The following CFAP251 variants were observed in gnomAD, a reference collection of about 807,000 sequenced individuals.
CFAP251 encodes cilia- and flagella-associated protein 251.
Under a neutral mutation model 126.7 loss-of-function variants are expected in CFAP251, and 93 were observed. The ratio of observed to expected loss-of-function variants is 0.73; its 90% CI spans 0.62 to 0.87. The LOEUF (loss-of-function observed/expected upper bound fraction) is 0.87. Among genes scored for constraint, CFAP251 ranks in the 40% least tolerant of loss-of-function variants. The pLI, the probability that CFAP251 is intolerant of heterozygous loss-of-function variation, is 0.00. For synonymous variants in CFAP251, 503 were observed against 506.9 expected, an observed-to-expected ratio of 0.99 and a Z score of 0.10; for missense variants, 1,287 against 1,389.2, an observed-to-expected ratio of 0.93 and a Z score of 1.17.
chr12:121,952,426 A>T (rs1046872168), intron 9 of CFAP251, among the ~76,000 whole-genome samples: 2 of 152,014 alleles, frequency 1.3e-5, no homozygotes, highest in Non-Finnish European at 2.9e-5. Flanking sequence ...TATATAAAAA[A>T]AAAAAAAATG....
chr12:121,972,314 G>T (rs943449100), intron 17 of CFAP251, among the ~76,000 whole-genome samples: 2 of 152,210 alleles, frequency 1.3e-5, no homozygotes, highest in Admixed American at 6.5e-5. Flanking sequence ...TAGTGATATG[G>T]ACAATAAGGT....
chr12:121,995,523 G>C (rs79424886), intron 19 of CFAP251, among the ~76,000 whole-genome samples: 1 of 146,826 alleles, frequency 6.8e-6, no homozygotes, highest in East Asian at 2.0e-4. Flanking sequence ...TTTTTTTTTT[G>C]AGACAGGTTC....
At chr12:121,992,294 G>A (rs1379475836) in intron 19 of CFAP251, 9 of 985,300 alleles carry the variant, frequency 9.1e-6, no homozygotes, top group South Asian at 9.4e-5. Flanking sequence ...GAACACTTGC[G>A]AAGTCGGCTC....
At chr12:121,960,278 C>T (rs2135784155) in intron 13 of CFAP251, among the ~76,000 whole-genome samples, 1 of 151,612 alleles carries the variant, frequency 6.6e-6, no homozygotes, top group South Asian at 2.1e-4. Context: ...GGCTGAAGTG[C>T]AACAGATCTT....
intron 10 of CFAP251, among the ~76,000 whole-genome samples, chr12:121,954,650 A>C (rs940279477): frequency 1.9e-4 from 28 of 148,282 alleles, no homozygotes; most frequent in African/African-American, 6.7e-4. Context: ...AAAAAAAAAA[A>C]AAAAAAAAAA....
chr12:121,990,301 A>G (rs1565924228), intron 19 of CFAP251, among the ~76,000 whole-genome samples: 1 of 152,098 alleles, frequency 6.6e-6, no homozygotes, highest in Non-Finnish European at 1.5e-5. Flanking sequence ...CTCTCCAAAC[A>G]GCAGCCCCGG....
intron 10 of CFAP251, among the ~76,000 whole-genome samples, chr12:121,956,321 A>G (rs1313943625): frequency 6.6e-6 from 1 of 152,152 alleles, no homozygotes; most frequent in Non-Finnish European, 1.5e-5. Flanking sequence ...GTCCACCTCC[A>G]TTGCGTATGG....
chr12:121,941,642 TATC>T (rs1348237076), intron 5 of CFAP251, among the ~76,000 whole-genome samples: 1 of 152,176 alleles, frequency 6.6e-6, no homozygotes, highest in African/African-American at 2.4e-5. Flanking sequence ...CCTAGTTTCT[TATC>T]ATATGGTTAT....
chr12:121,985,363 G>A (rs958611185), intron 19 of CFAP251, among the ~76,000 whole-genome samples: 3 of 151,884 alleles, frequency 2.0e-5, no homozygotes, highest in Non-Finnish European at 2.9e-5. Context: ...GCCAAACCCC[G>A]TCTCTACTAA....
chr12:121,975,236 T>C lies in CFAP251; in HGVS notation c.2772-8T>C, dbSNP rs187252250. The C allele has an allele frequency of 3.8e-5, 62 of 1,612,922 alleles. No individual in the cohort carries two copies. In the African/African-American group the frequency reaches 4.1e-4, roughly 11 times the overall value. ...TTTCTAATAGAGACATTTCTGTTGT[T>C]GTTCCAGTGTCCTGGAGGCAGCGGT... On this transcript the variant is annotated splice_region_variant and splice_polypyrimidine_tract_variant and intron_variant, in intron 17 of 21. Coordinates refer to ENST00000288912, the MANE Select transcript of CFAP251 (RefSeq NM_144668.6).
At chr12:121,939,385 A>T (rs1881015879) in intron 5 of CFAP251, among the ~76,000 whole-genome samples, 1 of 152,140 alleles carries the variant, frequency 6.6e-6, no homozygotes, top group African/African-American at 2.4e-5. Flanking sequence ...CATCCAACTT[A>T]ACCACAAGGG....
chr12:121,979,675 C>G (rs768376272), intron 19 of CFAP251, among the ~76,000 whole-genome samples: 3 of 148,814 alleles, frequency 2.0e-5, no homozygotes, highest in Non-Finnish European at 3.0e-5. Context: ...AGCGATTCTC[C>G]TGCCTCAGCC....
chr12:121,998,137 G>A (rs77416975), intron 19 of CFAP251: 5,877 of 150,998 alleles, frequency 0.039, 159 homozygotes, highest in East Asian at 0.074. Context: ...CTGCAGCCTC[G>A]AACTTGTGGG....
chr12:121,971,444 G>A, intron 17 of CFAP251: 3 of 682,110 alleles, frequency 4.4e-6, no homozygotes, highest in South Asian at 1.5e-5. Context: ...GTGTAGGAGT[G>A]TGCTGATACC....
intron 10 of CFAP251, among the ~76,000 whole-genome samples, chr12:121,955,120 C>G (rs1442877489): frequency 2.0e-5 from 3 of 152,014 alleles, no homozygotes; most frequent in East Asian, 1.9e-4. Context: ...ATGGTGAAAC[C>G]CTGTCTCTAC....
chr12:121,939,399 G>C (rs1380647152), intron 5 of CFAP251, among the ~76,000 whole-genome samples: 1 of 151,966 alleles, frequency 6.6e-6, no homozygotes, highest in Non-Finnish European at 1.5e-5. Context: ...ACAAGGGAAG[G>C]GTATTATCTC....
intron 19 of CFAP251, chr12:121,992,318 C>CA (rs1463562500): frequency 3.0e-6 from 3 of 985,390 alleles, no homozygotes; most frequent in Non-Finnish European, 3.6e-6. Flanking sequence ...AAGGAAATGT[C>CA]AGTGATGCCG....
intron 10 of CFAP251, among the ~76,000 whole-genome samples, chr12:121,954,661 A>AAAAAAAC (rs1881662187): frequency 6.8e-6 from 1 of 146,844 alleles, no homozygotes. Flanking sequence ...AAAAAAAAAA[A>AAAAAAAC]AAAAAAACCT....
chr12:121,981,315 T>TA (rs869047846), intron 19 of CFAP251, among the ~76,000 whole-genome samples: 24 of 131,192 alleles, frequency 1.8e-4, no homozygotes, highest in South Asian at 1.5e-3. Context: ...CTACAAAAAA[T>TA]AAAAAAAAAA....
Sources: gnomAD v4.1 joint callset for allele counts (sites outside exome capture counted in the v4.1 genomes callset) on GRCh38, gnomAD v4.1.1 for gene constraint, MANE v1.5 for transcripts, NCBI Gene and HGNC (gene_info 2026-07-23, HGNC 2026-07-21) for gene names.